The following KCNIP4 variants were observed in gnomAD, a reference collection of about 807,000 sequenced individuals.
KCNIP4 encodes the protein potassium voltage-gated channel interacting protein 4.
A neutral mutation model predicts 34.0 loss-of-function variants in KCNIP4; 12 were observed. That is an observed-to-expected ratio of 0.35 (90% CI 0.23 to 0.57). The LOEUF (loss-of-function observed/expected upper bound fraction) is 0.57, where lower values mean the gene tolerates loss of function less well. Ranked by LOEUF, KCNIP4 falls within the 20% of genes least tolerant of loss-of-function variation. The pLI is 0.83. For missense variants in KCNIP4, 238 were observed against 311.7 expected (o/e 0.76, Z 1.78); for synonymous variants, 124 against 102.2 (o/e 1.21, Z -1.29).
At chr4:21,411,198 G>C (rs1440101555) in intron 1 of KCNIP4, among the ~76,000 whole-genome samples, 1 of 152,148 alleles carries the variant, frequency 6.6e-6, no homozygotes, top group African/African-American at 2.4e-5. Context: ...CTTGAGGCTG[G>C]AAAAGGGGCA....
chr4:20,959,743 T>C (rs886893183), intron 1 of KCNIP4, among the ~76,000 whole-genome samples: 1 of 152,118 alleles, frequency 6.6e-6, no homozygotes, highest in Non-Finnish European at 1.5e-5. Context: ...ACAGAAACCT[T>C]ATCTTTAACG....
At chr4:21,401,599 C>T (rs1230034903) in intron 1 of KCNIP4, among the ~76,000 whole-genome samples, 2 of 152,190 alleles carry the variant, frequency 1.3e-5, no homozygotes, top group African/African-American at 2.4e-5. Flanking sequence ...CTTTCAGATT[C>T]TTAAAACACT....
intron 1 of KCNIP4, among the ~76,000 whole-genome samples, chr4:21,457,446 G>C (rs969103237): frequency 6.6e-6 from 1 of 151,970 alleles, no homozygotes; most frequent in Non-Finnish European, 1.5e-5. Context: ...TATTTTCAGA[G>C]AATCCTTCAA....
rs1261017896 is a variant in KCNIP4, at chr4:20,729,177, A to G, written c.*905T>C. 1.3e-5 allele frequency: 2 copies of G among 152,554 alleles called. No individual in the cohort carries two copies. Among genetic ancestry groups the G allele is most frequent in the Non-Finnish European group, 2.9e-5 (2 of 68,018 alleles). The allele number at this position is 152,554 out of a possible 1,614,324, so 9.5% of individuals were successfully genotyped here. ...CTGTAAGGAAGTCAGGGGAAAGAGG[A>G]CAGATTTGGCCTTTAATGCTGTTAG... On this transcript the variant is annotated 3_prime_UTR_variant, in exon 9 of 9. Coordinates refer to ENST00000382152, the MANE Select transcript of KCNIP4 (RefSeq NM_025221.6).
intron 1 of KCNIP4, among the ~76,000 whole-genome samples, chr4:20,892,791 TG>T: frequency 6.6e-6 from 1 of 152,362 alleles, no homozygotes; most frequent in South Asian, 2.1e-4. Context: ...ATCACCTCTC[TG>T]CTGTACTGGC....
chr4:20,843,350 T>C (rs1027069091), intron 3 of KCNIP4, among the ~76,000 whole-genome samples: 15 of 152,164 alleles, frequency 9.9e-5, no homozygotes, highest in African/African-American at 2.7e-4. Flanking sequence ...GGATGAGAAG[T>C]TTCCTGTACC....
chr4:21,489,301 C>A (rs1383987086), intron 1 of KCNIP4, among the ~76,000 whole-genome samples: 1 of 134,460 alleles, frequency 7.4e-6, no homozygotes, highest in East Asian at 2.4e-4. Context: ...CATAAACACT[C>A]AGTTTATGAA....
At chr4:21,014,350 A>G (rs1278645391) in intron 1 of KCNIP4, among the ~76,000 whole-genome samples, 4 of 152,056 alleles carry the variant, frequency 2.6e-5, no homozygotes, top group Non-Finnish European at 5.9e-5. Flanking sequence ...ACATTCCCCC[A>G]ACACTATTCA....
At chr4:21,072,781 C>A (rs1158684197) in intron 1 of KCNIP4, among the ~76,000 whole-genome samples, 1 of 152,100 alleles carries the variant, frequency 6.6e-6, no homozygotes, top group Non-Finnish European at 1.5e-5. Context: ...GGTTTTGGGT[C>A]TAACATGTAA....
At position 21,871,268 on chromosome 4, in the gene KCNIP4, C is replaced by A. The variant is rs1261030409; in HGVS notation, c.61+77303G>T. 3.9e-5 allele frequency among the ~76,000 whole-genome samples: 5 copies of A among 127,018 alleles called. No homozygotes were observed. The East Asian group carries it at 1.2e-3, about 29-fold the overall frequency. 83.3% of individuals were successfully genotyped at this position (127,018 alleles called of 152,430 possible). A position where few individuals can be genotyped will look rare whatever the true frequency, so the allele number is the denominator to read the frequency against. ...CCTCCCCCCTCCCCGCTCCCCACCTCCCCCCACCCCACAACAGGCCCCGGT... is the reference window on the plus strand; with the variant it reads ...CCTCCCCCCTCCCCGCTCCCCACCTACCCCCACCCCACAACAGGCCCCGGT... On this transcript the variant is annotated intron_variant, in intron 1 of 8. Coordinates refer to ENST00000382152, the MANE Select transcript of KCNIP4 (RefSeq NM_025221.6).
intron 1 of KCNIP4, among the ~76,000 whole-genome samples, chr4:21,599,166 G>T (rs1742897860): frequency 6.6e-6 from 1 of 152,010 alleles, no homozygotes; most frequent in Non-Finnish European, 1.5e-5. Context: ...TGCCTCCTAT[G>T]TTCTGCTTTG....
At chr4:21,138,837 C>G (rs1472680316) in intron 1 of KCNIP4, among the ~76,000 whole-genome samples, 2 of 152,072 alleles carry the variant, frequency 1.3e-5, no homozygotes, top group Admixed American at 6.6e-5. Flanking sequence ...GGAAAGGAGT[C>G]ATGAGGCAGG....
chr4:20,927,986 A>T (rs559153785), intron 1 of KCNIP4, among the ~76,000 whole-genome samples: 6 of 152,140 alleles, frequency 3.9e-5, no homozygotes, highest in Admixed American at 2.6e-4. Flanking sequence ...AATTTATTCA[A>T]TTCGAGCAGG....
intron 1 of KCNIP4, among the ~76,000 whole-genome samples, chr4:21,924,302 G>C (rs936586926): frequency 6.8e-6 from 1 of 146,292 alleles, no homozygotes; most frequent in African/African-American, 2.5e-5. Flanking sequence ...GGAGTGCAGT[G>C]GTGTGATCTC....
chr4:21,339,260 T>A (rs1334652888), intron 1 of KCNIP4, among the ~76,000 whole-genome samples: 1 of 152,200 alleles, frequency 6.6e-6, no homozygotes, highest in Non-Finnish European at 1.5e-5. Context: ...TTCTGCTGAG[T>A]AACTGTAATA....
At chr4:21,390,569 C>T (rs540799299) in intron 1 of KCNIP4, among the ~76,000 whole-genome samples, 159 of 152,184 alleles carry the variant, frequency 1.0e-3, no homozygotes, top group African/African-American at 3.6e-3. Context: ...AATCCTTTCC[C>T]CATTTCTTGT....
At chr4:21,005,431 G>GT (rs1249496948) in intron 1 of KCNIP4, among the ~76,000 whole-genome samples, 1 of 152,052 alleles carries the variant, frequency 6.6e-6, no homozygotes, top group Non-Finnish European at 1.5e-5. Context: ...ACTTATTGAA[G>GT]TTTTTTCTGA....
chr4:21,703,019 G>A (rs1178118251), intron 1 of KCNIP4, among the ~76,000 whole-genome samples: 1 of 151,182 alleles, frequency 6.6e-6, no homozygotes, highest in South Asian at 2.1e-4. Flanking sequence ...TATATTCACT[G>A]ATGCAAAAAA....
intron 1 of KCNIP4, among the ~76,000 whole-genome samples, chr4:21,331,011 C>A (rs1715578793): frequency 6.6e-6 from 1 of 152,180 alleles, no homozygotes; most frequent in South Asian, 2.1e-4. Context: ...TAATTTGTTC[C>A]TGTGTCCTAC....
Sources: allele counts gnomAD v4.1 joint callset (sites outside exome capture counted in the v4.1 genomes callset), GRCh38; gene constraint gnomAD v4.1.1; transcripts MANE v1.5; gene names NCBI Gene and HGNC (gene_info 2026-07-23, HGNC 2026-07-21).